The following IRF5 variants were observed in gnomAD, a reference collection of about 807,000 sequenced individuals.
The protein encoded by IRF5 is interferon regulatory factor 5.
A neutral mutation model predicts 55.1 loss-of-function variants in IRF5; 24 were observed. That is an observed-to-expected ratio of 0.44 (90% confidence interval 0.32 to 0.61). IRF5 has a LOEUF of 0.61. Ranked by LOEUF, IRF5 falls within the 20% of genes least tolerant of loss-of-function variation. The pLI is 0.07. For synonymous variants in IRF5, 258 were observed against 260.2 expected, an observed-to-expected ratio of 0.99 and a Z score of 0.08; for missense variants, 499 against 658.5, an observed-to-expected ratio of 0.76 and a Z score of 2.65.
chr7:128,938,440 C>T (rs1795851268), intron 1 of IRF5, among the ~76,000 whole-genome samples: 1 of 152,192 alleles, frequency 6.6e-6, no homozygotes, highest in Non-Finnish European at 1.5e-5. Flanking sequence ...TCCCGGGAGC[C>T]CCGCTGGAGG....
chr7:128,945,700 C>CT lies in IRF5; in HGVS notation c.196-144dup, dbSNP rs1796261674. The CT allele has an allele frequency of 4.0e-6, 3 of 748,404 alleles. No individual in the cohort carries two copies. The East Asian group carries it at 8.7e-5, about 22-fold the overall frequency. 46.4% of individuals were successfully genotyped at this position (748,404 alleles called of 1,614,324 possible). ...GGCAGGACTGTGGCAGACTCCCACG[C>CT]TGCAAACCAGGTCTGGGGCTCAGCG... On this transcript the variant is annotated intron_variant, in intron 2 of 8. Transcript: ENST00000357234.
chr7:128,939,776 A>C (rs767023951), intron 1 of IRF5, among the ~76,000 whole-genome samples: 1 of 152,136 alleles, frequency 6.6e-6, no homozygotes, highest in Non-Finnish European at 1.5e-5. Flanking sequence ...TCGCTGCCTC[A>C]CACAATTGTA....
In IRF5 at chr7:128,948,854, G is replaced by A. The variant is rs767776919; in HGVS notation, c.*36G>A. The A allele has an allele frequency of 8.8e-6, 14 of 1,587,744 alleles. No individual in the cohort carries two copies. In the South Asian group the frequency reaches 1.6e-4, roughly 18 times the overall value. ...GACGGTGACTGGCCCTGGCTTCCTG[G>A]GTGGCGGTGCGGACTGATGTGGAGA... On this transcript the variant is annotated 3_prime_UTR_variant, in exon 9 of 9. Coordinates refer to ENST00000357234, the MANE Select transcript of IRF5 (RefSeq NM_001098629.3). This position sits in a 1 kb window ranked among gnomAD's most constrained non-coding sequence, Gnocchi z 4.6.
In IRF5 at chr7:128,948,938, A is replaced by G; in HGVS notation, c.*120A>G. On this transcript the variant is annotated 3_prime_UTR_variant, in exon 9 of 9. Transcript: ENST00000357234. The surrounding 1 kb of genome is among the most constrained non-coding windows in gnomAD (Gnocchi z 4.6). ...AGGGTCCTACCTCTGGGTTTCCTGGAAGTGGATTTGGGCCAAGAAGGAGAG... is the reference window on the plus strand; with the variant it reads ...AGGGTCCTACCTCTGGGTTTCCTGGGAGTGGATTTGGGCCAAGAAGGAGAG... 7.7e-7 allele frequency: 1 copy of G among 1,292,228 alleles called. No individual in the cohort carries two copies. Among genetic ancestry groups the G allele is most frequent in the Non-Finnish European group, 1.1e-6 (1 of 951,570 alleles). 80.0% of individuals were successfully genotyped at this position (1,292,228 alleles called of 1,614,324 possible). A position where few individuals can be genotyped will look rare whatever the true frequency, so the allele number is the denominator to read the frequency against.
chr7:128,938,828 C>T (rs931327876), intron 1 of IRF5, among the ~76,000 whole-genome samples: 1 of 152,026 alleles, frequency 6.6e-6, no homozygotes, highest in Admixed American at 6.5e-5. Flanking sequence ...TGGTTGTCTC[C>T]GGACCCCGGG....
At chr7:128,945,743 G>A (rs1011708562) in intron 2 of IRF5, 102 bp from the exon 3 acceptor site, 15 of 1,180,720 alleles carry the variant, frequency 1.3e-5, no homozygotes, top group South Asian at 3.0e-5. Flanking sequence ...GCCTGTAGCC[G>A]AAGTTCTCCC....
rs1033644301 is a variant in IRF5 at position 128,950,038 on chromosome 7, A to G, written c.*1220A>G. On this transcript the variant is annotated 3_prime_UTR_variant, in exon 9 of 9. Transcript: ENST00000357234. ...AAATAAACCTTTTTCTGTATAAATTACCCAGCCTCGGGTCTTCGTTTACAG... is the reference window on the plus strand; with the variant it reads ...AAATAAACCTTTTTCTGTATAAATTGCCCAGCCTCGGGTCTTCGTTTACAG... 6.6e-6 allele frequency: 1 copy of G among 152,194 alleles called. No individual in the cohort carries two copies. Among genetic ancestry groups the G allele is most frequent in the African/African-American group, 2.4e-5 (1 of 41,430 alleles). 9.4% of individuals were successfully genotyped at this position (152,194 alleles called of 1,614,324 possible).
upstream of IRF5, among the ~76,000 whole-genome samples, chr7:128,937,038 G>A (rs1795802187): frequency 6.6e-6 from 1 of 152,186 alleles, no homozygotes; most frequent in Non-Finnish European, 1.5e-5. Context: ...CTGTCTCAGT[G>A]ATAGGCTTTC....
At chr7:128,941,816 G>A (rs1796037188) in intron 1 of IRF5, among the ~76,000 whole-genome samples, 1 of 152,192 alleles carries the variant, frequency 6.6e-6, no homozygotes, top group Non-Finnish European at 1.5e-5. Flanking sequence ...TTGGAGAATG[G>A]ATGCCTCTGC....
chr7:128,946,096 A>G lies in IRF5; in HGVS notation c.385+62A>G, dbSNP rs1257894121. Reference sequence around the variant, plus strand: ...CTGTGCAATGTCCTGGCCCCCAGCCATGAGCTCTTGGGTGCAGGCAGGCCA... The same window carrying G: ...CTGTGCAATGTCCTGGCCCCCAGCCGTGAGCTCTTGGGTGCAGGCAGGCCA... On this transcript the variant is annotated intron_variant, in intron 3 of 8. Transcript: ENST00000357234. The surrounding 1 kb of genome is among the most constrained non-coding windows in gnomAD (Gnocchi z 4.2). The G allele has an allele frequency of 1.6e-5, 24 of 1,467,456 alleles. No homozygotes were observed. The highest frequency in any genetic ancestry group is 1.2e-4 in the South Asian group (9 of 73,068). The allele number at this position is 1,467,456 out of a possible 1,614,324, so 90.9% of individuals were successfully genotyped here. A position where few individuals can be genotyped will look rare whatever the true frequency, so the allele number is the denominator to read the frequency against.
In IRF5 at chr7:128,946,945, C is replaced by T. The variant is rs1796337696; in HGVS notation, c.448-78C>T. 5 of 1,571,368 alleles carry T rather than the reference C, an allele frequency of 3.2e-6. No homozygotes were observed. Among genetic ancestry groups the T allele is most frequent in the Non-Finnish European group, 4.4e-6 (5 of 1,142,492 alleles). On this transcript the variant is annotated intron_variant, in intron 4 of 8. Transcript: ENST00000357234. This position sits in a 1 kb window ranked among gnomAD's most constrained non-coding sequence, Gnocchi z 4.2. ...CTCATAGTTCTCGCCTGTTATTTCC[C>T]CAGCCCCAGGTCAGTGGAATAACCT...
Position 128,948,532 on chromosome 7 carries a change from T to C in IRF5, c.1300-41T>C. On this transcript the variant is annotated intron_variant, in intron 8 of 8. Transcript: ENST00000357234. The surrounding 1 kb of genome is among the most constrained non-coding windows in gnomAD (Gnocchi z 4.6). ...CATGCACAGCTGGATCTGGCAGCCCTGCCACAGGTCTCCCTGTCTCATCTC... is the reference window on the plus strand; with the variant it reads ...CATGCACAGCTGGATCTGGCAGCCCCGCCACAGGTCTCCCTGTCTCATCTC... 1 of 1,609,106 alleles carries C rather than the reference T, an allele frequency of 6.2e-7. No individual in the cohort carries two copies. The highest frequency in any genetic ancestry group is 1.3e-5 in the African/African-American group (1 of 75,048).
At position 128,947,784 on chromosome 7, in the gene IRF5, C is replaced by T; in HGVS notation, c.843C>T (p.Thr281=). ...QYRGRPPRAL[T]ISNPHGCRLF... is the part of the protein sequence containing the mutation. Reference sequence around the variant, plus strand: ...GGGGGCGGCCACCCCGGGCCCTCACCATCAGCAACCCCCATGGCTGCCGGC... The same window carrying T: ...GGGGGCGGCCACCCCGGGCCCTCACTATCAGCAACCCCCATGGCTGCCGGC... Residue 281 remains threonine, a synonymous_variant, in exon 7 of 9, where the codon ACC becomes ACT. Coordinates refer to ENST00000357234, the MANE Select transcript of IRF5 (RefSeq NM_001098629.3). The surrounding 1 kb of genome is among the most constrained non-coding windows in gnomAD (Gnocchi z 6.5). 6.2e-7 allele frequency: 1 copy of T among 1,613,456 alleles called. No individual in the cohort carries two copies. The highest frequency in any genetic ancestry group is 8.5e-7 in the Non-Finnish European group (1 of 1,179,830).
Position 128,947,473 on chromosome 7 carries a change from G to T in IRF5, c.725G>T (p.Ser242Ile). ...EVLEPGPLPA[S>I]LPPAGEQLLP... Reference sequence around the variant, plus strand: ...CTGGAGCCTGGGCCCCTGCCTGCCAGCCTGCCCCCTGCAGGCGAACAGCTC... The same window carrying T: ...CTGGAGCCTGGGCCCCTGCCTGCCATCCTGCCCCCTGCAGGCGAACAGCTC... The change falls in exon 6 of 9, where the codon AGC becomes ATC. Residue 242 changes from serine to isoleucine, a missense_variant. By Grantham distance (142) the Ser-to-Ile change is moderately radical. This residue lies in a region of IRF5 where 305 missense variants were observed against 340.2 expected (regional missense o/e 0.90). Coordinates refer to ENST00000357234, the MANE Select transcript of IRF5 (RefSeq NM_001098629.3). This position sits in a 1 kb window ranked among gnomAD's most constrained non-coding sequence, Gnocchi z 6.5. 2 of 1,608,832 alleles carry T rather than the reference G, an allele frequency of 1.2e-6. No individual in the cohort carries two copies. The highest frequency in any genetic ancestry group is 1.7e-6 in the Non-Finnish European group (2 of 1,178,452).
At chr7:128,944,400 A>G (rs141481772) in intron 2 of IRF5, among the ~76,000 whole-genome samples, 247 of 152,250 alleles carry the variant, frequency 1.6e-3, no homozygotes, top group Non-Finnish European at 2.2e-3. Context: ...GGCAATGCTT[A>G]TTTTTTAAAA....
Position 128,946,665 on chromosome 7 carries a change from C to T in IRF5, c.447+103C>T. 1.3e-6 allele frequency: 1 copy of T among 765,538 alleles called. No individual in the cohort carries two copies. The highest frequency in any genetic ancestry group is 2.2e-6 in the Non-Finnish European group (1 of 448,496). The allele number at this position is 765,538 out of a possible 1,614,324, so 47.4% of individuals were successfully genotyped here. A position where few individuals can be genotyped will look rare whatever the true frequency, so the allele number is the denominator to read the frequency against. On this transcript the variant is annotated intron_variant, in intron 4 of 8. Transcript: ENST00000357234. This position sits in a 1 kb window ranked among gnomAD's most constrained non-coding sequence, Gnocchi z 4.2. ...CCCACTCCCATGGAGCCCCGTGGCC[C>T]TCTCAATAGTTCTCCTTGTTTCTTC...
intron 1 of IRF5, among the ~76,000 whole-genome samples, chr7:128,939,450 C>A (rs1795905674): frequency 6.6e-6 from 1 of 152,056 alleles, no homozygotes; most frequent in Admixed American, 6.5e-5. Flanking sequence ...AGGGTGTGGG[C>A]AGCTGACCCG....
chr7:128,947,651 G>A lies in IRF5; in HGVS notation c.788-78G>A. 6.6e-7 allele frequency: 1 copy of A among 1,513,212 alleles called. No individual in the cohort carries two copies. Among genetic ancestry groups the A allele is most frequent in the Admixed American group, 2.0e-5 (1 of 49,052 alleles). 93.7% of individuals were successfully genotyped at this position (1,513,212 alleles called of 1,614,324 possible). A position where few individuals can be genotyped will look rare whatever the true frequency, so the allele number is the denominator to read the frequency against. On this transcript the variant is annotated intron_variant, in intron 6 of 8. Coordinates refer to ENST00000357234, the MANE Select transcript of IRF5 (RefSeq NM_001098629.3). The surrounding 1 kb of genome is among the most constrained non-coding windows in gnomAD (Gnocchi z 6.5). ...TGGGAAAAGTGGGAGGGCGGATGGG[G>A]CTGGGCCTGGCCACTGGGCTGCAGA...
intron 2 of IRF5, among the ~76,000 whole-genome samples, chr7:128,943,376 CTTTTTT>C (rs200345101): frequency 7.3e-6 from 1 of 136,728 alleles, no homozygotes; most frequent in Non-Finnish European, 1.6e-5. Context: ...CATATATACT[CTTTTTT>C]TTTTTTTTTG....
Sources: allele counts gnomAD v4.1 joint callset (sites outside exome capture counted in the v4.1 genomes callset), GRCh38; gene constraint gnomAD v4.1.1; regional missense constraint gnomAD v4.1.1; non-coding constraint Gnocchi (gnomAD v3.1); transcripts MANE v1.5; gene names NCBI Gene and HGNC (gene_info 2026-07-23, HGNC 2026-07-21).